The following BLNK variants were observed in gnomAD, a reference collection of about 807,000 sequenced individuals.
BLNK encodes the protein B cell linker, also known as B-cell linker protein.
A neutral mutation model predicts 73.5 loss-of-function variants in BLNK; 29 were observed. That is an observed-to-expected ratio of 0.39 (90% CI 0.29 to 0.54). The LOEUF (loss-of-function observed/expected upper bound fraction) is 0.54. Among genes scored for constraint, BLNK ranks in the 20% least tolerant of loss-of-function variants. The pLI is 0.61. For missense variants in BLNK, 460 were observed against 562.8 expected, an observed-to-expected ratio of 0.82 and a Z score of 1.85; for synonymous variants, 176 against 200.8, an observed-to-expected ratio of 0.88 and a Z score of 1.04.
intron 16 of BLNK, among the ~76,000 whole-genome samples, chr10:96,193,355 T>A (rs1554893950): frequency 6.6e-6 from 1 of 152,190 alleles, no homozygotes; most frequent in Non-Finnish European, 1.5e-5. Flanking sequence ...TTGAAGTGGA[T>A]TACAAGGGAA....
At position 96,255,083 on chromosome 10, in the gene BLNK, C is replaced by G. The variant is rs79595550; in HGVS notation, c.48-8034G>C. On this transcript the variant is annotated intron_variant, in intron 1 of 16. Coordinates refer to ENST00000224337, the MANE Select transcript of BLNK (RefSeq NM_013314.4). ...GGATAGGAGAACTTTGTACATACCC[C>G]AGGGAAGTTCGTCTGGCCAAGAGAG... Among the ~76,000 whole-genome samples the G allele has an allele frequency of 8.7e-3, 1,322 of 152,248 alleles. 20 individuals are homozygous for G. Among genetic ancestry groups the G allele is most frequent in the African/African-American group, 0.03 (1,267 of 41,548 alleles).
Position 96,207,875 on chromosome 10 carries a change from C to T in BLNK, c.771G>A (p.Lys257=). The change falls in exon 10 of 17, where the codon AAG becomes AAA. Residue 257 remains lysine, a synonymous_variant. Coordinates refer to ENST00000224337, the MANE Select transcript of BLNK (RefSeq NM_013314.4). Reference sequence around the variant, plus strand: ...TTTAAATGCAAAATTAACTTACTGTCTTCAGTGGTGTCGTTGGTTTTTTCC... The same window carrying T: ...TTTAAATGCAAAATTAACTTACTGTTTTCAGTGGTGTCGTTGGTTTTTTCC... ...RAGKKPTTPL[K]TTPVASQQNA... is the part of the protein sequence containing the mutation. The T allele has an allele frequency of 6.2e-7, 1 of 1,614,118 alleles. No homozygotes were observed.
chr10:96,192,983 T>G (rs1469626185), intron 16 of BLNK, among the ~76,000 whole-genome samples: 1 of 152,212 alleles, frequency 6.6e-6, no homozygotes, highest in Non-Finnish European at 1.5e-5. Flanking sequence ...ACAGTAAAAT[T>G]TTTAAGTGTT....
At chr10:96,239,187 T>C (rs587651167) in intron 3 of BLNK, 2 of 398,594 alleles carry the variant, frequency 5.0e-6, no homozygotes, top group East Asian at 7.1e-5. Context: ...AAGAGAACAC[T>C]TCAGAGCATC....
At chr10:96,196,463 G>C (rs587600239) in intron 16 of BLNK, among the ~76,000 whole-genome samples, 101 of 152,170 alleles carry the variant, frequency 6.6e-4, no homozygotes, top group African/African-American at 2.3e-3. Flanking sequence ...CTGGTACAAG[G>C]GCTATAGTCT....
chr10:96,189,440 G>C lies in BLNK; in HGVS notation c.*2533C>G, dbSNP rs1350045997. On this transcript the variant is annotated 3_prime_UTR_variant, in exon 17 of 17. Transcript: ENST00000224337. ...GGAAGCAATTCTTCACATAATTGAT[G>C]AACTTGGCTTCCACTTTGGGAAGAG... 4.9e-6 allele frequency: 3 copies of C among 611,932 alleles called. No individual in the cohort carries two copies. The Admixed American group carries it at 5.6e-5, about 11-fold the overall frequency. 37.9% of individuals were successfully genotyped at this position (611,932 alleles called of 1,614,324 possible).
chr10:96,226,829 C>T, intron 5 of BLNK, among the ~76,000 whole-genome samples: 1 of 151,396 alleles, frequency 6.6e-6, no homozygotes, highest in East Asian at 1.9e-4. Context: ...GAGTGAGACT[C>T]TGTCGCAAAA....
intron 3 of BLNK, among the ~76,000 whole-genome samples, chr10:96,238,278 G>A (rs781926380): frequency 7.2e-5 from 11 of 152,168 alleles, no homozygotes; most frequent in Admixed American, 1.3e-4. Flanking sequence ...GGCAGTTGCT[G>A]GTCCTTTCTA....
At chr10:96,233,491 G>A (rs1157305554) in intron 3 of BLNK, among the ~76,000 whole-genome samples, 4 of 151,414 alleles carry the variant, frequency 2.6e-5, no homozygotes, top group Non-Finnish European at 5.9e-5. Flanking sequence ...CAATGCCTCT[G>A]CCTTCTGTCC....
chr10:96,223,729 T>A (rs1474922246), intron 6 of BLNK, 97 bp downstream of exon 6: 2 of 1,433,004 alleles, frequency 1.4e-6, no homozygotes, highest in African/African-American at 2.8e-5. Context: ...CAATAGCAGG[T>A]TGTAAAGAAG....
At chr10:96,207,848 C>A (rs782047806) in intron 10 of BLNK, 24 bp downstream of exon 10, 5 of 1,613,560 alleles carry the variant, frequency 3.1e-6, no homozygotes, top group Non-Finnish European at 4.2e-6. Context: ...ATATGAAGCA[C>A]TTTTAAATGC....
intron 11 of BLNK, among the ~76,000 whole-genome samples, chr10:96,205,684 C>T (rs2083781821): frequency 6.6e-6 from 1 of 152,212 alleles, no homozygotes; most frequent in African/African-American, 2.4e-5. Flanking sequence ...CCTTCCTAGG[C>T]TAGTAGAGGC....
intron 16 of BLNK, among the ~76,000 whole-genome samples, chr10:96,194,529 C>T (rs2083409744): frequency 6.6e-6 from 1 of 152,022 alleles, no homozygotes; most frequent in Non-Finnish European, 1.5e-5. Flanking sequence ...TTTTGCTCAG[C>T]AAATAACACA....
chr10:96,253,989 C>T (rs1843402721), intron 1 of BLNK, among the ~76,000 whole-genome samples: 1 of 150,928 alleles, frequency 6.6e-6, no homozygotes, highest in Non-Finnish European at 1.5e-5. Flanking sequence ...CCACTGCACT[C>T]CAGCCTGGGC....
intron 7 of BLNK, 49 bp downstream of exon 7, chr10:96,216,604 C>T (rs782244209): frequency 1.3e-6 from 2 of 1,507,568 alleles, no homozygotes; most frequent in Non-Finnish European, 9.2e-7. Flanking sequence ...CTTATACATC[C>T]TGATCAACTG....
In BLNK at chr10:96,223,889, C is replaced by T. The variant is rs149698554; in HGVS notation, c.462G>A (p.Pro154=). Reference sequence around the variant, plus strand: ...GAGGTTTCTGCAAAGCAGTCAGGGCCGGCAGGGTGGAGGTGAGCCTTGCTT... The same window carrying T: ...GAGGTTTCTGCAAAGCAGTCAGGGCTGGCAGGGTGGAGGTGAGCCTTGCTT... ...SEKARLTSTL[P]ALTALQKPQV... Residue 154 remains proline (P), a synonymous_variant, in exon 6 of 17, where the codon CCG becomes CCA. Coordinates refer to ENST00000224337, the MANE Select transcript of BLNK (RefSeq NM_013314.4). The T allele has an allele frequency of 3.1e-6, 5 of 1,613,656 alleles. No homozygotes were observed. Among genetic ancestry groups the T allele is most frequent in the Admixed American group, 3.3e-5 (2 of 60,000 alleles).
chr10:96,242,244 A>G (rs4918998), intron 3 of BLNK, among the ~76,000 whole-genome samples: 34,193 of 151,992 alleles, frequency 0.22, 4,373 homozygotes, highest in Non-Finnish European at 0.29. Flanking sequence ...CTCGCATTCT[A>G]CCTTGCCTGC....
chr10:96,254,573 C>T (rs1297811856), intron 1 of BLNK, among the ~76,000 whole-genome samples: 5 of 151,862 alleles, frequency 3.3e-5, no homozygotes, highest in East Asian at 1.9e-4. Flanking sequence ...TGCAATAGCA[C>T]GATCTCAGCT....
At chr10:96,215,646 T>G (rs1247310303) in intron 7 of BLNK, among the ~76,000 whole-genome samples, 1 of 152,182 alleles carries the variant, frequency 6.6e-6, no homozygotes, top group Non-Finnish European at 1.5e-5. Context: ...ATGATAGAGA[T>G]CTTGTTAAAG....
Sources: allele counts gnomAD v4.1 joint callset (sites outside exome capture counted in the v4.1 genomes callset), GRCh38; gene constraint gnomAD v4.1.1; transcripts MANE v1.5; gene names NCBI Gene and HGNC (gene_info 2026-07-23, HGNC 2026-07-21).